The following CTNND2 variants were observed in gnomAD, a reference collection of about 807,000 sequenced individuals.
CTNND2 encodes the protein catenin delta-2.
A neutral mutation model predicts 144.4 loss-of-function variants in CTNND2; 22 were observed. That is an observed-to-expected ratio of 0.15 (90% CI 0.11 to 0.22). The LOEUF is 0.22. Among genes scored for constraint, CTNND2 ranks in the 10% least tolerant of loss-of-function variants. The pLI is 1.00. For synonymous variants in CTNND2, 751 were observed against 695.6 expected (o/e 1.08, Z -1.25); for missense variants, 1,353 against 1,618.8 (o/e 0.84, Z 2.82).
At chr5:11,343,244 C>G (rs1048059011) in intron 9 of CTNND2, among the ~76,000 whole-genome samples, 1 of 152,152 alleles carries the variant, frequency 6.6e-6, no homozygotes, top group African/African-American at 2.4e-5. Context: ...TCTCTGGTTT[C>G]AAGTCTAATG....
chr5:11,129,217 T>A (rs866619390), intron 12 of CTNND2, among the ~76,000 whole-genome samples: 1,102 of 33,674 alleles, frequency 0.033, 87 homozygotes, highest in African/African-American at 0.11. Flanking sequence ...ATTTATATAT[T>A]ATATATAAAT....
At chr5:11,872,489 C>T (rs1735217304) in intron 1 of CTNND2, among the ~76,000 whole-genome samples, 1 of 152,196 alleles carries the variant, frequency 6.6e-6, no homozygotes. Context: ...AACTAATTGA[C>T]ACTCCTATTA....
At chr5:11,343,899 C>G (rs1470392368) in intron 9 of CTNND2, among the ~76,000 whole-genome samples, 1 of 152,046 alleles carries the variant, frequency 6.6e-6, no homozygotes, top group Non-Finnish European at 1.5e-5. Flanking sequence ...AAATATATTT[C>G]AAAAGCTTGA....
chr5:11,900,483 TAATC>T (rs1429027657), intron 1 of CTNND2, among the ~76,000 whole-genome samples: 2 of 152,234 alleles, frequency 1.3e-5, no homozygotes, highest in Non-Finnish European at 2.9e-5. Context: ...GGCAGTTTGT[TAATC>T]AGTAGGCTGG....
At position 11,879,356 on chromosome 5, in the gene CTNND2, T is replaced by TATATATATATATATATATATATAC. The variant is rs904010417; in HGVS notation, c.37+24460_37+24461insGTATATATATATATATATATATAT. 4.3e-4 allele frequency among the ~76,000 whole-genome samples: 61 copies of TATATATATATATATATATATATAC among 141,412 alleles called. 1 individual carries two copies. The highest frequency in any genetic ancestry group is 2.1e-3 in the East Asian group (10 of 4,874). The allele number at this position is 141,412 out of a possible 152,430, so 92.8% of individuals were successfully genotyped here. A position where few individuals can be genotyped will look rare whatever the true frequency, so the allele number is the denominator to read the frequency against. ...TTAAATGTGTGTATATATATATATATACATATACACACACACACAAACATA... is the reference window on the plus strand; with the variant it reads ...TTAAATGTGTGTATATATATATATATATATATATATATATATATATATACACATATACACACACACACAAACATA... On this transcript the variant is annotated intron_variant, in intron 1 of 21. Coordinates refer to ENST00000304623, the MANE Select transcript of CTNND2 (RefSeq NM_001332.4).
chr5:11,662,107 A>G lies in CTNND2; in HGVS notation c.174+70029T>C, dbSNP rs866467966. ...CATATATACATATATACACATATTT[A>G]TGTGTGTGTGTATATATATATACAT... On this transcript the variant is annotated intron_variant, in intron 2 of 21. Transcript: ENST00000304623. Among the ~76,000 whole-genome samples the G allele has an allele frequency of 4.8e-5, 7 of 146,976 alleles. 1 individual carries two copies. The highest frequency in any genetic ancestry group is 1.8e-4 in the African/African-American group (7 of 39,514).
rs1758789735 is a variant in CTNND2, at chr5:11,384,001, T to C, written c.1177+664A>G. ...AAGCCCAGCCCCTCCCTCCCTGTAA[T>C]AAAGCAGGTACAAATTTAAGGGACT... On this transcript the variant is annotated intron_variant, in intron 7 of 21. Transcript: ENST00000304623. This position sits in a 1 kb window ranked among gnomAD's most constrained non-coding sequence, Gnocchi z 5.2. Among the ~76,000 whole-genome samples, 1 of 151,952 alleles carries C rather than the reference T, an allele frequency of 6.6e-6. No homozygotes were observed.
intron 3 of CTNND2, among the ~76,000 whole-genome samples, chr5:11,425,145 T>G (rs1437051077): frequency 6.6e-6 from 1 of 152,242 alleles, no homozygotes; most frequent in East Asian, 1.9e-4. Context: ...ATGATATTTT[T>G]GCTTTCAATA....
chr5:11,598,824 G>A (rs1434023660), intron 2 of CTNND2, among the ~76,000 whole-genome samples: 2 of 152,082 alleles, frequency 1.3e-5, no homozygotes, highest in Non-Finnish European at 1.5e-5. Context: ...AAGGAAGTAA[G>A]CATCTTGTAT....
chr5:11,469,598 T>C (rs72732940), intron 3 of CTNND2, among the ~76,000 whole-genome samples: 98 of 152,236 alleles, frequency 6.4e-4, no homozygotes, highest in Non-Finnish European at 1.3e-3. Flanking sequence ...AGGTTCTAAG[T>C]ATTATCTGCT....
chr5:11,672,090 G>A (rs1185271553), intron 2 of CTNND2, among the ~76,000 whole-genome samples: 2 of 152,194 alleles, frequency 1.3e-5, no homozygotes, highest in Admixed American at 1.3e-4. Flanking sequence ...GACCCTGTTT[G>A]CCTGGGTATC....
In CTNND2 at chr5:11,026,840, C is replaced by T. The variant is rs371535858; in HGVS notation, c.2789-3861G>A. 6.4e-4 allele frequency among the ~76,000 whole-genome samples: 97 copies of T among 152,212 alleles called. 2 individuals are homozygous for T. In the East Asian group the frequency reaches 0.015, roughly 24 times the overall value. On this transcript the variant is annotated intron_variant, in intron 16 of 21. Transcript: ENST00000304623. ...AGCCATTATGGAAATTCTTAAGAAGCAACTGACAGGGCTTGGAGCCCAGGG... is the reference window on the plus strand; with the variant it reads ...AGCCATTATGGAAATTCTTAAGAAGTAACTGACAGGGCTTGGAGCCCAGGG...
At chr5:11,307,304 A>T (rs1750340013) in intron 9 of CTNND2, among the ~76,000 whole-genome samples, 1 of 146,428 alleles carries the variant, frequency 6.8e-6, no homozygotes, top group East Asian at 2.1e-4. Context: ...AAGGTAGAGT[A>T]GTGTGTGTGT....
chr5:11,331,118 T>C (rs11748294), intron 9 of CTNND2, among the ~76,000 whole-genome samples: 4,751 of 152,302 alleles, frequency 0.031, 89 homozygotes, highest in Admixed American at 0.052. Context: ...TACTGCAGCA[T>C]AGATGTTAAT....
intron 1 of CTNND2, among the ~76,000 whole-genome samples, chr5:11,791,438 C>T (rs1039269803): frequency 1.3e-5 from 2 of 152,104 alleles, no homozygotes; most frequent in African/African-American, 4.8e-5. Context: ...TTCTCAAGTG[C>T]ACACCAGCTA....
chr5:11,222,396 T>C (rs1030136813), intron 10 of CTNND2, among the ~76,000 whole-genome samples: 5 of 152,224 alleles, frequency 3.3e-5, no homozygotes, highest in Admixed American at 3.3e-4. Context: ...GTGTACCTGG[T>C]GGTTTTAATC....
chr5:11,340,332 T>A (rs2149729806), intron 9 of CTNND2, among the ~76,000 whole-genome samples: 1 of 152,326 alleles, frequency 6.6e-6, no homozygotes, highest in South Asian at 2.1e-4. Flanking sequence ...TGAGGCTGTT[T>A]TCAGGCTCTT....
intron 16 of CTNND2, among the ~76,000 whole-genome samples, chr5:11,028,283 T>A (rs1316213080): frequency 2.0e-5 from 3 of 152,190 alleles, no homozygotes; most frequent in Admixed American, 2.0e-4. Flanking sequence ...GTTTAAGTAG[T>A]TCTATGGCCC....
intron 9 of CTNND2, among the ~76,000 whole-genome samples, chr5:11,341,550 C>T (rs32133): frequency 0.29 from 43,437 of 152,054 alleles, 6,450 homozygotes; most frequent in Admixed American, 0.35. Context: ...TAAAAGCAAA[C>T]TACCCAGAGA....
Sources: gnomAD v4.1 joint callset for allele counts (sites outside exome capture counted in the v4.1 genomes callset) on GRCh38, gnomAD v4.1.1 for gene constraint, Gnocchi (gnomAD v3.1) non-coding constraint, MANE v1.5 for transcripts, NCBI Gene and HGNC (gene_info 2026-07-23, HGNC 2026-07-21) for gene names.